UBE3C: variants seen among roughly 807,000 people sequenced by gnomAD.
The protein encoded by UBE3C is ubiquitin-protein ligase E3C.
A neutral mutation model predicts 129.4 loss-of-function variants in UBE3C; 42 were observed. The observed-to-expected ratio is 0.32, with a 90% CI of 0.25 to 0.42. UBE3C has a LOEUF of 0.42. Ranked by LOEUF, UBE3C falls within the 10% of genes least tolerant of loss-of-function variation. The probability of loss-of-function intolerance (pLI) is 1.00; values close to 1 mark genes in which losing one functional copy is unlikely to be tolerated. For synonymous variants in UBE3C, 510 were observed against 492.4 expected (o/e 1.04, Z -0.47); for missense variants, 1,049 against 1,319.1 (o/e 0.80, Z 3.17).
At chr7:157,187,693 C>T (rs1338765720) in intron 10 of UBE3C, among the ~76,000 whole-genome samples, 1 of 151,948 alleles carries the variant, frequency 6.6e-6, no homozygotes, top group African/African-American at 2.4e-5. Flanking sequence ...TCTCCTGCCT[C>T]AGCCTCCCGA....
chr7:157,155,882 C>T (rs776557021), intron 1 of UBE3C, among the ~76,000 whole-genome samples: 4 of 151,896 alleles, frequency 2.6e-5, no homozygotes, highest in African/African-American at 7.3e-5. Context: ...GCTGTCAGGA[C>T]GATGGCCTCG....
At chr7:157,198,778 C>G (rs1809197277) in intron 10 of UBE3C, among the ~76,000 whole-genome samples, 1 of 152,158 alleles carries the variant, frequency 6.6e-6, no homozygotes, top group Non-Finnish European at 1.5e-5. Flanking sequence ...CAGGTGGTTA[C>G]CCACCTTGGC....
At chr7:157,158,062 T>TA (rs1807966353) in intron 1 of UBE3C, among the ~76,000 whole-genome samples, 1 of 148,380 alleles carries the variant, frequency 6.7e-6, no homozygotes, top group South Asian at 2.2e-4. Context: ...TTTTTTTTTT[T>TA]TTTTTTTTTT....
intron 13 of UBE3C, among the ~76,000 whole-genome samples, chr7:157,211,202 A>G (rs1244233350): frequency 3.5e-5 from 3 of 86,052 alleles, no homozygotes; most frequent in African/African-American, 7.0e-5. Flanking sequence ...GAGCCATACT[A>G]TGAGTGATTT....
chr7:157,258,475 C>T (rs896543956), intron 22 of UBE3C, among the ~76,000 whole-genome samples: 8 of 151,478 alleles, frequency 5.3e-5, no homozygotes, highest in Admixed American at 1.3e-4. Context: ...GTTTTTGAGA[C>T]GGAGTTTTAC....
At position 157,179,677 on chromosome 7, in the gene UBE3C, C is replaced by T. The variant is rs142938121; in HGVS notation, c.616+830C>T. 6.6e-4 allele frequency among the ~76,000 whole-genome samples: 100 copies of T among 152,212 alleles called. 1 individual carries two copies. The highest frequency in any genetic ancestry group is 2.2e-3 in the African/African-American group (93 of 41,530). ...AGTTGTGAAGGGAGGTCTGGAGAGC[C>T]GTGGCTGCAGACAGAATTATAAGCA... On this transcript the variant is annotated intron_variant, in intron 6 of 22. Transcript: ENST00000348165.
At position 157,171,012 on chromosome 7, in the gene UBE3C, A is replaced by G. The variant is rs754408951; in HGVS notation, c.342+562A>G. Among the ~76,000 whole-genome samples, 8 of 151,502 alleles carry G rather than the reference A, an allele frequency of 5.3e-5. No individual in the cohort carries two copies. In the East Asian group the frequency reaches 5.9e-4, roughly 11 times the overall value. Reference sequence around the variant, plus strand: ...TTTTTTGTAGAGATGAGGTCTTGCTATGTTGCCCAGGCTGGTCGTGAACTT... The same window carrying G: ...TTTTTTGTAGAGATGAGGTCTTGCTGTGTTGCCCAGGCTGGTCGTGAACTT... On this transcript the variant is annotated intron_variant, in intron 4 of 22. Coordinates refer to ENST00000348165, the MANE Select transcript of UBE3C (RefSeq NM_014671.3).
chr7:157,142,685 A>G (rs1186203174), intron 1 of UBE3C, among the ~76,000 whole-genome samples: 2 of 152,056 alleles, frequency 1.3e-5, no homozygotes, highest in East Asian at 3.9e-4. Context: ...ACCAGGGACT[A>G]CTAGAGGGGG....
chr7:157,178,894 G>C, intron 6 of UBE3C, 47 bp downstream of exon 6: 1 of 1,597,284 alleles, frequency 6.3e-7, no homozygotes, highest in Non-Finnish European at 8.5e-7. Flanking sequence ...TCCTGATGGG[G>C]AGTGAGCAGA....
intron 1 of UBE3C, chr7:157,139,890 C>T: frequency 1.8e-6 from 1 of 561,832 alleles, no homozygotes; most frequent in Non-Finnish European, 2.3e-6. Flanking sequence ...AAAGTAGAGG[C>T]AGAACGTCTC....
In UBE3C at chr7:157,175,054, C is replaced by G; in HGVS notation, c.458+20C>G. 1 of 1,575,942 alleles carries G rather than the reference C, an allele frequency of 6.3e-7. No homozygotes were observed. The highest frequency in any genetic ancestry group is 1.1e-5 in the South Asian group (1 of 88,756). On this transcript the variant is annotated intron_variant, in intron 5 of 22. Coordinates refer to ENST00000348165, the MANE Select transcript of UBE3C (RefSeq NM_014671.3). ...TTGCAGGTAAAATTCTATTGTAAGT[C>G]AGTAACGTATATAATGTATTGATCA...
In UBE3C at chr7:157,257,742, C is replaced by CAAA. The variant is rs11436417; in HGVS notation, c.3081+717_3081+719dup. Among the ~76,000 whole-genome samples, 741 of 95,140 alleles carry CAAA rather than the reference C, an allele frequency of 7.8e-3. 11 individuals are homozygous for CAAA. Among genetic ancestry groups the CAAA allele is most frequent in the African/African-American group, 0.025 (564 of 22,806 alleles). The allele number at this position is 95,140 out of a possible 152,430, so 62.4% of individuals were successfully genotyped here. A position where few individuals can be genotyped will look rare whatever the true frequency, so the allele number is the denominator to read the frequency against. ...GGGTGACAGAGTGAGACCCTGTCTC[C>CAAA]AAAAAAAAAAAAAAAAAAAAATTGC... On this transcript the variant is annotated intron_variant, in intron 22 of 22. Coordinates refer to ENST00000348165, the MANE Select transcript of UBE3C (RefSeq NM_014671.3).
intron 17 of UBE3C, among the ~76,000 whole-genome samples, chr7:157,228,143 C>T (rs758555865): frequency 1.3e-4 from 20 of 152,184 alleles, no homozygotes; most frequent in Admixed American, 3.3e-4. Flanking sequence ...TTACGATGCT[C>T]GTTGTCTTAT....
chr7:157,151,103 T>TGGACAAATAC (rs1444993465), intron 1 of UBE3C, among the ~76,000 whole-genome samples: 5 of 152,162 alleles, frequency 3.3e-5, no homozygotes, highest in Non-Finnish European at 7.4e-5. Context: ...TCCAGCCCAC[T>TGGACAAATAC]CTCGGGGTGA....
chr7:157,237,442 A>T (rs1236590914), intron 18 of UBE3C, among the ~76,000 whole-genome samples: 1 of 152,088 alleles, frequency 6.6e-6, no homozygotes, highest in Admixed American at 6.5e-5. Flanking sequence ...CTCCGTCTCA[A>T]AAAAAAAGAA....
intron 22 of UBE3C, among the ~76,000 whole-genome samples, chr7:157,257,946 C>CTT (rs755192643): frequency 7.4e-6 from 1 of 135,914 alleles, no homozygotes; most frequent in Non-Finnish European, 1.6e-5. Flanking sequence ...TTCCTTTTTT[C>CTT]TTTTTTTTTT....
At chr7:157,222,979 G>T in intron 15 of UBE3C, 1 of 326,378 alleles carries the variant, frequency 3.1e-6, no homozygotes, top group Non-Finnish European at 5.8e-6. Context: ...GGCTAGCTGT[G>T]CACTTGAGAC....
intron 13 of UBE3C, among the ~76,000 whole-genome samples, chr7:157,216,395 G>A (rs1173112016): frequency 6.6e-6 from 1 of 151,078 alleles, no homozygotes; most frequent in Non-Finnish European, 1.5e-5. Flanking sequence ...TACATGTGAA[G>A]TTTTGTTACA....
At chr7:157,161,794 A>G (rs10256197) in intron 1 of UBE3C, among the ~76,000 whole-genome samples, 28,056 of 151,982 alleles carry the variant, frequency 0.18, 2,768 homozygotes, top group East Asian at 0.35. Flanking sequence ...ATTCTAGGCC[A>G]AGCATGGTGT....
Sources: allele counts gnomAD v4.1 joint callset (sites outside exome capture counted in the v4.1 genomes callset), GRCh38; gene constraint gnomAD v4.1.1; transcripts MANE v1.5; gene names NCBI Gene and HGNC (gene_info 2026-07-23, HGNC 2026-07-21).